The following AAAS variants were observed in gnomAD, a reference collection of about 807,000 sequenced individuals.
The protein encoded by AAAS is aladin.
Under a neutral mutation model 75.6 loss-of-function variants are expected in AAAS, and 60 were observed. The ratio of observed to expected loss-of-function variants is 0.79; its 90% CI spans 0.64 to 0.98. AAAS has a LOEUF of 0.98. Among genes scored for constraint, AAAS ranks in the 50% least tolerant of loss-of-function variants. The pLI, the probability that AAAS is intolerant of heterozygous loss-of-function variation, is 0.00. For synonymous variants in AAAS, 271 were observed against 265.0 expected, an observed-to-expected ratio of 1.02 and a Z score of -0.22; for missense variants, 658 against 686.9, an observed-to-expected ratio of 0.96 and a Z score of 0.47.
At chr12:53,307,745 C>T in intron 15 of AAAS, 32 bp from the exon 16 acceptor site, 1 of 1,613,800 alleles carries the variant, frequency 6.2e-7, no homozygotes, top group African/African-American at 1.3e-5. Context: ...GGATCAGAGT[C>T]TGGGCCCAAA....
At position 53,308,736 on chromosome 12, in the gene AAAS, G is replaced by T; in HGVS notation, c.1076C>A (p.Pro359Gln). 3 of 1,614,094 alleles carry T rather than the reference G, an allele frequency of 1.9e-6. No homozygotes were observed. The highest frequency in any genetic ancestry group is 1.6e-4 in the Middle Eastern group (1 of 6,062). ...GEPLIYSLSFPERCGEGKGCV... is the reference protein window; with the variant it reads ...GEPLIYSLSFQERCGEGKGCV... ...TTGCCCTAACTCACCACAACGTTCT[G>T]GAAAAGACAGGGAGTAAATCAGTGG... is the stretch of plus-strand genomic sequence containing the variant. The change falls in exon 11 of 16, where the codon CCA (proline) becomes CAA (glutamine). Residue 359 changes from proline (P) to glutamine (Q), a missense_variant. Physicochemically the swap from Pro to Gln is moderately conservative, Grantham distance 76. Coordinates refer to ENST00000209873, the MANE Select transcript of AAAS (RefSeq NM_015665.6).
In AAAS at chr12:53,315,421, C is replaced by CA. The variant is rs1445679804; in HGVS notation, c.312dup (p.Glu105Ter). 6.2e-7 allele frequency: 1 copy of CA among 1,612,786 alleles called. No homozygotes were observed. Among genetic ancestry groups the CA allele is most frequent in the African/African-American group, 1.3e-5 (1 of 74,888 alleles). On this transcript the variant is annotated frameshift_variant, in exon 4 of 16. Transcript: ENST00000209873. LOFTEE classifies it high-confidence loss of function. ...CAGCCGGATGCCGTCTTCACCCACT[C>CA]AAACACTGTAGGGTTGAGGAAGCAG...
chr12:53,311,415 C>T (rs1429863029), intron 7 of AAAS, among the ~76,000 whole-genome samples: 1 of 152,172 alleles, frequency 6.6e-6, no homozygotes, highest in Non-Finnish European at 1.5e-5. Flanking sequence ...GCGCACGCCA[C>T]CACACCCAGC....
At chr12:53,316,355 C>G (rs182841137) in intron 2 of AAAS, among the ~76,000 whole-genome samples, 8 of 151,418 alleles carry the variant, frequency 5.3e-5, no homozygotes, top group Admixed American at 4.6e-4. Context: ...GAGGCTGAGG[C>G]AGGGCAGGAG....
At chr12:53,311,681 G>A (rs578021376) in intron 7 of AAAS, among the ~76,000 whole-genome samples, 400 of 152,214 alleles carry the variant, frequency 2.6e-3, no homozygotes, top group Non-Finnish European at 3.4e-3. Context: ...TCGGGAGGCC[G>A]AGGCAGGCGG....
intron 13 of AAAS, 29 bp from the exon 14 acceptor site, chr12:53,308,162 A>G (rs1944322726): frequency 1.2e-6 from 2 of 1,612,886 alleles, no homozygotes. Flanking sequence ...GGGATAGGGG[A>G]GGAACTCTGA....
chr12:53,314,253 T>C (rs1225216375), intron 7 of AAAS, 45 bp downstream of exon 7: 4 of 1,613,590 alleles, frequency 2.5e-6, no homozygotes, highest in East Asian at 2.2e-5. Context: ...ATGCCTAGCA[T>C]TGCACAACTC....
chr12:53,308,373 G>A (rs1367421953), intron 12 of AAAS, 24 bp from the exon 13 acceptor site: 22 of 1,614,038 alleles, frequency 1.4e-5, no homozygotes, highest in African/African-American at 2.7e-5. Context: ...CAGGTTAGGA[G>A]AGTTTCAGTG....
chr12:53,309,008 G>A lies in AAAS; in HGVS notation c.948C>T (p.Ala316=). 1 of 1,614,124 alleles carries A rather than the reference G, an allele frequency of 6.2e-7. No individual in the cohort carries two copies. Among genetic ancestry groups the A allele is most frequent in the African/African-American group, 1.3e-5 (1 of 75,030 alleles). The change falls in exon 10 of 16, where the codon GCC becomes GCT. Residue 316 remains alanine (A), a synonymous_variant. Coordinates refer to ENST00000209873, the MANE Select transcript of AAAS (RefSeq NM_015665.6). Reference sequence around the variant, plus strand: ...GCCACCTCTCACAAGTCCACATCTGGGCCTCCCAGACTCTGAGCCAGAGAA... The same window carrying A: ...GCCACCTCTCACAAGTCCACATCTGAGCCTCCCAGACTCTGAGCCAGAGAA... The part of the protein sequence containing the change: ...TPSAVFRVWE[A]QMWTCERWPT...
rs768276548 is a variant in AAAS at position 53,315,055 on chromosome 12, G to A, written c.446+39C>T. The A allele has an allele frequency of 4.3e-6, 7 of 1,611,132 alleles. No homozygotes were observed. In the East Asian group the frequency reaches 1.6e-4, roughly 36 times the overall value. ...CCCCAAAGGGAGTTTTGAGGTTCAG[G>A]ACTTCCTTTCCACAAAGCTCCAGGG... On this transcript the variant is annotated intron_variant, in intron 5 of 15. Coordinates refer to ENST00000209873, the MANE Select transcript of AAAS (RefSeq NM_015665.6).
In AAAS at chr12:53,311,290, C is replaced by T. The variant is rs140697883; in HGVS notation, c.690-1569G>A. ...AAAAAAATTTTTTTAAATCGAGTTCCGCTCTTGTCACCCAGGCTAGAGTAC... is the reference window on the plus strand; with the variant it reads ...AAAAAAATTTTTTTAAATCGAGTTCTGCTCTTGTCACCCAGGCTAGAGTAC... On this transcript the variant is annotated intron_variant, in intron 7 of 15. Coordinates refer to ENST00000209873, the MANE Select transcript of AAAS (RefSeq NM_015665.6). Among the ~76,000 whole-genome samples the T allele has an allele frequency of 6.6e-3, 1,001 of 152,138 alleles. 13 individuals are homozygous for T. The highest frequency in any genetic ancestry group is 0.023 in the African/African-American group (955 of 41,486).
Position 53,309,648 on chromosome 12 carries a change from T to C in AAAS, c.763A>G (p.Ser255Gly), listed in dbSNP as rs767499544. Reference protein sequence around the residue: ...TPVTSLAWAPSGGRLLSASPV... With the variant: ...TPVTSLAWAPGGGRLLSASPV... ...GAAGCTGAGAGCAGCCGCCCCCCACTGGGGGCCCAGGCCAAGCTGGTAACA... is the reference window on the plus strand; with the variant it reads ...GAAGCTGAGAGCAGCCGCCCCCCACCGGGGGCCCAGGCCAAGCTGGTAACA... Residue 255 changes from serine (S) to glycine (G), a missense_variant, in exon 8 of 16, where the codon AGT (serine) becomes GGT (glycine). Physicochemically the swap from Ser to Gly is moderately conservative, Grantham distance 56. Transcript: ENST00000209873. 5 of 1,613,324 alleles carry C rather than the reference T, an allele frequency of 3.1e-6. No individual in the cohort carries two copies. The highest frequency in any genetic ancestry group is 1.7e-5 in the Admixed American group (1 of 59,904).
At chr12:53,315,173 G>A in intron 4 of AAAS, 33 bp from the exon 5 acceptor site, 1 of 1,613,492 alleles carries the variant, frequency 6.2e-7, no homozygotes, top group Non-Finnish European at 8.5e-7. Flanking sequence ...GGACACACTG[G>A]GGCAAAAGGA....
At chr12:53,308,552 G>A (rs1372847567) in intron 11 of AAAS, 24 bp from the exon 12 acceptor site, 1 of 1,613,878 alleles carries the variant, frequency 6.2e-7, no homozygotes, top group Non-Finnish European at 8.5e-7. Flanking sequence ...AGAGCAGAGA[G>A]GTTCTTGCAA....
intron 4 of AAAS, 78 bp downstream of exon 4, chr12:53,315,257 C>A: frequency 6.3e-7 from 1 of 1,599,694 alleles, no homozygotes; most frequent in South Asian, 1.1e-5. Flanking sequence ...CCAACCCTGA[C>A]CTGCAAGGAT....
chr12:53,308,538 AAT>A lies in AAAS; in HGVS notation c.1088-12_1088-11del. 6.2e-7 allele frequency: 1 copy of A among 1,614,076 alleles called. No homozygotes were observed. The highest frequency in any genetic ancestry group is 8.5e-7 in the Non-Finnish European group (1 of 1,179,994). ...CACCCCTTTCCCTCACCTGTGGACAAATAAGAGCAGAGAGGTTCTTGCAAGAA... is the reference window on the plus strand; with the variant it reads ...CACCCCTTTCCCTCACCTGTGGACAAAAGAGCAGAGAGGTTCTTGCAAGAA... On this transcript the variant is annotated splice_polypyrimidine_tract_variant and intron_variant, in intron 11 of 15. Coordinates refer to ENST00000209873, the MANE Select transcript of AAAS (RefSeq NM_015665.6).
rs543042078 is a variant in AAAS at position 53,312,663 on chromosome 12, G to A, written c.689+1635C>T. Among the ~76,000 whole-genome samples, 124 of 151,110 alleles carry A rather than the reference G, an allele frequency of 8.2e-4. 1 individual carries two copies. Among genetic ancestry groups the A allele is most frequent in the Non-Finnish European group, 1.1e-3 (76 of 67,894 alleles). On this transcript the variant is annotated intron_variant, in intron 7 of 15. Coordinates refer to ENST00000209873, the MANE Select transcript of AAAS (RefSeq NM_015665.6). ...TTTTATAATTCTTCTATTTTCTCCC[G>A]TATCTATATCTTTCCACTTCTGAAA...
Position 53,309,147 on chromosome 12 carries a change from TC to T in AAAS, c.935+9del. On this transcript the variant is annotated intron_variant, in intron 9 of 15. Coordinates refer to ENST00000209873, the MANE Select transcript of AAAS (RefSeq NM_015665.6). ...GGTCCTTGCCCTCCCTCCATCCTTGTCCCACTCACCGAAAGACAGCTGAAGG... is the reference window on the plus strand; with the variant it reads ...GGTCCTTGCCCTCCCTCCATCCTTGTCCACTCACCGAAAGACAGCTGAAGG... 1 of 1,614,164 alleles carries T rather than the reference TC, an allele frequency of 6.2e-7. No individual in the cohort carries two copies. Among genetic ancestry groups the T allele is most frequent in the Non-Finnish European group, 8.5e-7 (1 of 1,180,024 alleles).
At chr12:53,316,964 T>C (rs1418591883) in intron 2 of AAAS, among the ~76,000 whole-genome samples, 1 of 151,634 alleles carries the variant, frequency 6.6e-6, no homozygotes, top group Admixed American at 6.6e-5. Flanking sequence ...ATGCCTGTAG[T>C]CCCAGCTACT....
Sources: gnomAD v4.1 joint callset for allele counts (sites outside exome capture counted in the v4.1 genomes callset) on GRCh38, gnomAD v4.1.1 for gene constraint, MANE v1.5 for transcripts, NCBI Gene and HGNC (gene_info 2026-07-23, HGNC 2026-07-21) for gene names.